Variants in ZBTB20 observed in about 807,000 individuals in gnomAD.
ZBTB20 encodes the protein zinc finger and BTB domain containing 20, also known as zinc finger and BTB domain-containing protein 20.
A neutral mutation model predicts 56.9 loss-of-function variants in ZBTB20; 9 were observed. The observed-to-expected ratio is 0.16, with a 90% CI of 0.10 to 0.28. The LOEUF (loss-of-function observed/expected upper bound fraction) is 0.28, where lower values mean the gene tolerates loss of function less well. Ranked by LOEUF, ZBTB20 falls within the 10% of genes least tolerant of loss-of-function variation. The probability of loss-of-function intolerance (pLI) is 1.00; values close to 1 mark genes in which losing one functional copy is unlikely to be tolerated. For missense variants in ZBTB20, 655 were observed against 1,003.0 expected (o/e 0.65, Z 4.69); for synonymous variants, 417 against 420.7 (o/e 0.99, Z 0.11).
chr3:115,103,947 C>T (rs12171287), intron 1 of ZBTB20, among the ~76,000 whole-genome samples: 54,607 of 151,970 alleles, frequency 0.36, 13,278 homozygotes, highest in African/African-American at 0.66. Flanking sequence ...GCAAAAGATG[C>T]ATCTCATAAA....
At chr3:114,955,720 A>C (rs2077224101) in intron 3 of ZBTB20, among the ~76,000 whole-genome samples, 1 of 151,966 alleles carries the variant, frequency 6.6e-6, no homozygotes, top group African/African-American at 2.4e-5. Context: ...CCACTCCATC[A>C]CCTCTCTGAC....
intron 6 of ZBTB20, among the ~76,000 whole-genome samples, chr3:114,655,123 C>T (rs2060324662): frequency 6.6e-6 from 1 of 151,904 alleles, no homozygotes; most frequent in Admixed American, 6.6e-5. Context: ...GTATTTATAC[C>T]ATTTACAGTG....
intron 7 of ZBTB20, among the ~76,000 whole-genome samples, chr3:114,407,911 A>AG (rs75178897): frequency 4.4e-4 from 66 of 149,160 alleles, no homozygotes; most frequent in African/African-American, 6.1e-4. Context: ...AACCTATATG[A>AG]GGGGGGGGAA....
intron 6 of ZBTB20, among the ~76,000 whole-genome samples, chr3:114,573,265 C>A (rs1163198493): frequency 6.6e-6 from 1 of 151,736 alleles, no homozygotes; most frequent in Non-Finnish European, 1.5e-5. Context: ...TTCGAGACCA[C>A]CCTAGGCAAC....
intron 7 of ZBTB20, among the ~76,000 whole-genome samples, chr3:114,405,763 T>G (rs1217185164): frequency 6.6e-6 from 1 of 152,070 alleles, no homozygotes; most frequent in African/African-American, 2.4e-5. Flanking sequence ...AGAGTGTAGT[T>G]TGATACATGG....
chr3:114,444,789 T>C (rs1332448118), intron 7 of ZBTB20, among the ~76,000 whole-genome samples: 1 of 152,158 alleles, frequency 6.6e-6, no homozygotes, highest in African/African-American at 2.4e-5. Context: ...TATTTAAAAT[T>C]CCTGGTTCAC....
chr3:115,048,237 TA>T (rs908217206), intron 2 of ZBTB20, among the ~76,000 whole-genome samples: 1 of 151,900 alleles, frequency 6.6e-6, no homozygotes, highest in Non-Finnish European at 1.5e-5. Flanking sequence ...AAAATAAAAA[TA>T]AAAAAAGAGC....
intron 6 of ZBTB20, among the ~76,000 whole-genome samples, chr3:114,605,900 T>G (rs1200587763): frequency 6.6e-6 from 1 of 151,892 alleles, no homozygotes; most frequent in Admixed American, 6.6e-5. Context: ...AGACAGAGGA[T>G]AGAGTGATGG....
At chr3:114,876,127 T>G (rs1390302966) in intron 4 of ZBTB20, among the ~76,000 whole-genome samples, 1 of 151,818 alleles carries the variant, frequency 6.6e-6, no homozygotes. Flanking sequence ...GTTTGTTTTT[T>G]TTTTTTTTAA....
chr3:114,943,021 A>T (rs1252469571), intron 3 of ZBTB20, among the ~76,000 whole-genome samples: 1 of 145,250 alleles, frequency 6.9e-6, no homozygotes, highest in Non-Finnish European at 1.5e-5. Flanking sequence ...AAATCAAAAG[A>T]GAAACAAGCA....
At chr3:114,347,077 GTTTTTTTTTTT>G (rs59044965) in intron 11 of ZBTB20, among the ~76,000 whole-genome samples, 1,379 of 71,046 alleles carry the variant, frequency 0.019, 29 homozygotes, top group African/African-American at 0.054. Context: ...TTCTCTTCAG[GTTTTTTTTTTT>G]TTTTTTTTTT....
At chr3:114,438,227 T>C (rs2090652998) in intron 7 of ZBTB20, among the ~76,000 whole-genome samples, 1 of 152,070 alleles carries the variant, frequency 6.6e-6, no homozygotes, top group African/African-American at 2.4e-5. Flanking sequence ...GAGATCAGCT[T>C]GTTTTTAGCA....
intron 3 of ZBTB20, among the ~76,000 whole-genome samples, chr3:114,943,685 GGAT>G (rs1421497490): frequency 6.9e-6 from 1 of 144,680 alleles, no homozygotes; most frequent in Non-Finnish European, 1.5e-5. Context: ...AGAGAAATAA[GGAT>G]GATAATAAAA....
chr3:114,588,986 G>C (rs1244205069), intron 6 of ZBTB20, among the ~76,000 whole-genome samples: 1 of 151,992 alleles, frequency 6.6e-6, no homozygotes, highest in East Asian at 1.9e-4. Flanking sequence ...GAGCAAAGGG[G>C]GAAAAGCCCC....
chr3:114,387,300 A>G (rs1401731396), intron 8 of ZBTB20: 1 of 152,066 alleles, frequency 6.6e-6, no homozygotes, highest in Non-Finnish European at 1.5e-5. Flanking sequence ...TATCCTCTTT[A>G]TTGATTTTTG....
chr3:114,639,914 A>AT (rs1325726345), intron 6 of ZBTB20, among the ~76,000 whole-genome samples: 1 of 151,894 alleles, frequency 6.6e-6, no homozygotes, highest in Admixed American at 6.6e-5. Flanking sequence ...AAGAATATTT[A>AT]TTTTTTTGCC....
intron 4 of ZBTB20, chr3:114,874,072 C>G (rs1013087827): frequency 6.6e-6 from 1 of 152,148 alleles, no homozygotes; most frequent in Non-Finnish European, 1.5e-5. Context: ...TCAAGATCCA[C>G]TTCAGTTTGT....
rs9864013 is a variant in ZBTB20 at position 114,327,211 on chromosome 3, G to A, written c.*11794C>T. On this transcript the variant is annotated 3_prime_UTR_variant, in exon 12 of 12. Coordinates refer to ENST00000675478, the MANE Select transcript of ZBTB20 (RefSeq NM_001348800.3). ...TAGACATTAATCTGAGACTAACACA[G>A]AGGTTGTGGTGAGAAATTCTGGGTC... The A allele has an allele frequency of 0.43, 65,646 of 151,758 alleles. 15,048 individuals carry two copies. The highest frequency in any genetic ancestry group is 0.83 in the East Asian group (4,290 of 5,154). 9.4% of individuals were successfully genotyped at this position (151,758 alleles called of 1,614,324 possible). A position where few individuals can be genotyped will look rare whatever the true frequency, so the allele number is the denominator to read the frequency against.
intron 3 of ZBTB20, among the ~76,000 whole-genome samples, chr3:114,950,465 T>C (rs1206721121): frequency 6.6e-6 from 1 of 152,116 alleles, no homozygotes; most frequent in Non-Finnish European, 1.5e-5. Flanking sequence ...GAGCCCTTCT[T>C]GTGATGATAT....
Sources: gnomAD v4.1 joint callset for allele counts (sites outside exome capture counted in the v4.1 genomes callset) on GRCh38, gnomAD v4.1.1 for gene constraint, MANE v1.5 for transcripts, NCBI Gene and HGNC (gene_info 2026-07-23, HGNC 2026-07-21) for gene names.